The following TMPRSS15 variants were observed in gnomAD, a reference collection of about 807,000 sequenced individuals.
TMPRSS15 encodes transmembrane serine protease 15.
A neutral mutation model predicts 125.3 loss-of-function variants in TMPRSS15; 128 were observed. The observed-to-expected ratio is 1.02, with a 90% confidence interval of 0.89 to 1.18. TMPRSS15 has a LOEUF of 1.18. Among genes scored for constraint, TMPRSS15 ranks in the 50% most tolerant of loss-of-function variants. TMPRSS15 has a pLI of 0.00. For synonymous variants in TMPRSS15, 446 were observed against 423.2 expected (o/e 1.05, Z -0.66); for missense variants, 1,283 against 1,212.7 (o/e 1.06, Z -0.86).
At chr21:18,285,147 C>G (rs1440159662) in intron 21 of TMPRSS15, among the ~76,000 whole-genome samples, 1 of 152,198 alleles carries the variant, frequency 6.6e-6, no homozygotes, top group Non-Finnish European at 1.5e-5. Context: ...CACTCCTGGT[C>G]TCTGTAACCC....
chr21:18,478,745 G>T (rs1197440764), intron 1 of TMPRSS15, among the ~76,000 whole-genome samples: 1 of 151,898 alleles, frequency 6.6e-6, no homozygotes, highest in African/African-American at 2.4e-5. Flanking sequence ...TAGATTCTTG[G>T]AAAGAACATG....
intron 1 of TMPRSS15, among the ~76,000 whole-genome samples, chr21:18,409,751 A>G (rs964243116): frequency 4.0e-5 from 6 of 151,594 alleles, no homozygotes; most frequent in Admixed American, 2.6e-4. Context: ...ACTGTTGAAA[A>G]TTTTTCTTTG....
At chr21:18,400,354 C>T (rs1179956428) in intron 1 of TMPRSS15, among the ~76,000 whole-genome samples, 3 of 152,252 alleles carry the variant, frequency 2.0e-5, no homozygotes, top group South Asian at 4.1e-4. Context: ...ACTAAAACAG[C>T]ATGGTAGTAG....
chr21:18,394,641 G>C (rs1601433855), intron 3 of TMPRSS15, among the ~76,000 whole-genome samples: 1 of 150,468 alleles, frequency 6.6e-6, no homozygotes, highest in Admixed American at 6.6e-5. Context: ...ACTGTACAGA[G>C]ATACTGTAGA....
At chr21:18,440,618 A>C (rs964943662) in intron 1 of TMPRSS15, among the ~76,000 whole-genome samples, 35 of 152,048 alleles carry the variant, frequency 2.3e-4, no homozygotes, top group Non-Finnish European at 4.7e-4. Context: ...ACCTATTTTC[A>C]AGGTTTGAAA....
Position 18,269,908 on chromosome 21 carries a change from C to A in TMPRSS15, c.*61G>T. On this transcript the variant is annotated 3_prime_UTR_variant, in exon 25 of 25. Transcript: ENST00000284885. ...ATTTTTGTACGAAACACTTAATTTC[C>A]ATGCTTTCTAGAGTAGAATGGGAAA... 2 of 1,594,248 alleles carry A rather than the reference C, an allele frequency of 1.3e-6. No individual in the cohort carries two copies. The highest frequency in any genetic ancestry group is 2.3e-5 in the East Asian group (1 of 44,310).
At chr21:18,445,202 C>T (rs2076252484) in intron 1 of TMPRSS15, among the ~76,000 whole-genome samples, 1 of 93,472 alleles carries the variant, frequency 1.1e-5, no homozygotes, top group African/African-American at 3.3e-5. Context: ...TTGGTATATA[C>T]CACATTTTTT....
chr21:18,464,098 G>A (rs1462926155), intron 1 of TMPRSS15, among the ~76,000 whole-genome samples: 7 of 149,940 alleles, frequency 4.7e-5, no homozygotes, highest in African/African-American at 9.9e-5. Flanking sequence ...GCATGAACCC[G>A]GGAGGCAGAG....
chr21:18,370,065 G>A (rs1453498258), intron 6 of TMPRSS15, among the ~76,000 whole-genome samples: 1 of 151,462 alleles, frequency 6.6e-6, no homozygotes, highest in Admixed American at 6.6e-5. Flanking sequence ...CACTACTAAG[G>A]TTCAATTAAC....
intron 18 of TMPRSS15, among the ~76,000 whole-genome samples, chr21:18,302,462 A>G (rs2074983506): frequency 6.6e-6 from 1 of 152,174 alleles, no homozygotes; most frequent in Non-Finnish European, 1.5e-5. Context: ...TTATTTAACC[A>G]TGTATTGCAT....
intron 13 of TMPRSS15, among the ~76,000 whole-genome samples, chr21:18,339,958 A>G (rs1458617053): frequency 4.6e-5 from 7 of 152,224 alleles, no homozygotes; most frequent in Admixed American, 3.9e-4. Context: ...AAGATCTTAT[A>G]GGACATTGTG....
chr21:18,328,202 C>A (rs937773587), intron 15 of TMPRSS15, among the ~76,000 whole-genome samples: 1 of 151,968 alleles, frequency 6.6e-6, no homozygotes, highest in African/African-American at 2.4e-5. Context: ...TGTAATAGCA[C>A]AAAAATTTCC....
chr21:18,367,010 G>A (rs1190718293), intron 6 of TMPRSS15, among the ~76,000 whole-genome samples: 2 of 151,604 alleles, frequency 1.3e-5, no homozygotes, highest in African/African-American at 4.8e-5. Context: ...GTGTTTATTG[G>A]GTTTTTGCTT....
chr21:18,379,346 T>C, intron 4 of TMPRSS15, 28 bp from the exon 5 acceptor site: 1 of 1,125,598 alleles, frequency 8.9e-7, no homozygotes, highest in Non-Finnish European at 1.2e-6. Context: ...TTAAAATAAT[T>C]ATTACCTATT....
intron 6 of TMPRSS15, among the ~76,000 whole-genome samples, chr21:18,365,580 C>CT (rs1439135948): frequency 1.7e-5 from 2 of 119,524 alleles, no homozygotes; most frequent in Admixed American, 1.9e-4. Context: ...CTCTTTCTCT[C>CT]TTTTTCCTTC....
At position 18,344,040 on chromosome 21, in the gene TMPRSS15, T is replaced by G; in HGVS notation, c.1192A>C (p.Thr398Pro). ...CGTTCTTGTCTCCCTCCTGGTCCAG[T>G]TGGGGTAGAAATGTAAAATCCTGTA... ...NASGFYISTPTGPGGRQERVG... is the reference protein window; with the variant it reads ...NASGFYISTPPGPGGRQERVG... The change falls in exon 11 of 25, where the codon ACT (threonine) becomes CCT (proline). Residue 398 changes from threonine (T) to proline (P), a missense_variant. By Grantham distance (38) the Thr-to-Pro change is conservative. Transcript: ENST00000284885. The G allele has an allele frequency of 6.8e-6, 11 of 1,613,740 alleles. No homozygotes were observed. The highest frequency in any genetic ancestry group is 9.3e-6 in the Non-Finnish European group (11 of 1,179,890).
At chr21:18,391,387 G>GT (rs1227498357) in intron 3 of TMPRSS15, among the ~76,000 whole-genome samples, 2 of 152,154 alleles carry the variant, frequency 1.3e-5, no homozygotes, top group African/African-American at 2.4e-5. Flanking sequence ...ATTCCAAATG[G>GT]AAAAAAATTT....
At chr21:18,302,337 C>A (rs1280752746) in intron 18 of TMPRSS15, among the ~76,000 whole-genome samples, 1 of 152,100 alleles carries the variant, frequency 6.6e-6, no homozygotes, top group Non-Finnish European at 1.5e-5. Context: ...ATTTTACAGG[C>A]AGAGGCTTGG....
rs2075353142 is a variant in TMPRSS15 at position 18,332,242 on chromosome 21, C to T, written c.1565-69G>A. On this transcript the variant is annotated intron_variant, in intron 13 of 24. Coordinates refer to ENST00000284885, the MANE Select transcript of TMPRSS15 (RefSeq NM_002772.3). ...ATTTCAGAGAGATAATACCATATGC[C>T]AGCGAATTTTCAATTACATTTCTTA... 9.6e-6 allele frequency: 13 copies of T among 1,360,168 alleles called. No homozygotes were observed. The East Asian group carries it at 1.4e-4, about 14-fold the overall frequency. The allele number at this position is 1,360,168 out of a possible 1,614,324, so 84.3% of individuals were successfully genotyped here.
Sources: gnomAD v4.1 joint callset for allele counts (sites outside exome capture counted in the v4.1 genomes callset) on GRCh38, gnomAD v4.1.1 for gene constraint, MANE v1.5 for transcripts, NCBI Gene and HGNC (gene_info 2026-07-23, HGNC 2026-07-21) for gene names.